ZFYVE9: variants seen among roughly 807,000 people sequenced by gnomAD.
ZFYVE9 encodes zinc finger FYVE-type containing 9, also known as zinc finger FYVE domain-containing protein 9.
ZFYVE9 carries 43 observed loss-of-function variants against 126.7 expected under a neutral mutation model. The ratio of observed to expected loss-of-function variants is 0.34; its 90% CI spans 0.27 to 0.44. The LOEUF is 0.44. ZFYVE9 is among the 20% of genes least tolerant of loss of function. The pLI is 1.00. For missense variants in ZFYVE9, 1,476 were observed against 1,697.0 expected, an observed-to-expected ratio of 0.87 and a Z score of 2.29; for synonymous variants, 521 against 597.4, an observed-to-expected ratio of 0.87 and a Z score of 1.87.
chr1:52,177,245 G>A (rs1361156887), intron 1 of ZFYVE9, among the ~76,000 whole-genome samples: 3 of 151,848 alleles, frequency 2.0e-5, no homozygotes, highest in Admixed American at 1.3e-4. Context: ...TGCCTCCCAG[G>A]TTCAAGCACT....
intron 1 of ZFYVE9, among the ~76,000 whole-genome samples, chr1:52,204,610 C>T (rs1214692654): frequency 6.6e-6 from 1 of 151,910 alleles, no homozygotes; most frequent in Non-Finnish European, 1.5e-5. Flanking sequence ...GCCTGTAATC[C>T]CAGCTACTCA....
At chr1:52,300,740 T>C (rs1167243185) in intron 12 of ZFYVE9, among the ~76,000 whole-genome samples, 3 of 151,662 alleles carry the variant, frequency 2.0e-5, no homozygotes, top group Non-Finnish European at 4.4e-5. Context: ...AGTGTAGGTT[T>C]GCTGCTGATG....
intron 8 of ZFYVE9, among the ~76,000 whole-genome samples, chr1:52,275,292 A>G (rs1176772413): frequency 6.6e-6 from 1 of 152,056 alleles, no homozygotes; most frequent in East Asian, 1.9e-4. Flanking sequence ...TCAGCCACTG[A>G]TGGGCAGTTA....
chr1:52,278,584 A>G lies in ZFYVE9; in HGVS notation c.2839A>G (p.Asn947Asp). 1.3e-6 allele frequency: 2 copies of G among 1,592,226 alleles called. No individual in the cohort carries two copies. Among genetic ancestry groups the G allele is most frequent in the Non-Finnish European group, 1.7e-6 (2 of 1,168,462 alleles). Residue 947 changes from asparagine to aspartate, a missense_variant, in exon 9 of 19, where the codon AAT (asparagine) becomes GAT (aspartate). Asn to Asp is a conservative substitution (Grantham distance 23). Around this residue, in one of 2 missense-constraint regions of ZFYVE9, gnomAD observed 669 missense variants for 902.4 expected, o/e 0.74. Coordinates refer to ENST00000287727, the MANE Select transcript of ZFYVE9 (RefSeq NM_004799.4). ...CCCACTTGTATTTGTTTTAAATGCA[A>G]ATTTGTTGTCAATGGTTAAAATTGT... ...PDPLVFVLNANLLSMVKIVNY... is the reference protein window; with the variant it reads ...PDPLVFVLNADLLSMVKIVNY...
rs187596186 is a variant in ZFYVE9 at position 52,187,852 on chromosome 1, T to G, written c.-142-28517T>G. Among the ~76,000 whole-genome samples, 21 of 152,338 alleles carry G rather than the reference T, an allele frequency of 1.4e-4. No individual in the cohort carries two copies. The East Asian group carries it at 3.3e-3, about 24-fold the overall frequency. On this transcript the variant is annotated intron_variant, in intron 1 of 18. Transcript: ENST00000287727. ...AAAGGGAATTCTTATACACTGTTGG[T>G]GGGAGTGTAAATTAGTTCAGCCATT... is the stretch of plus-strand genomic sequence containing the variant.
chr1:52,161,923 T>C (rs1644463569), intron 1 of ZFYVE9, among the ~76,000 whole-genome samples: 1 of 150,396 alleles, frequency 6.6e-6, no homozygotes, highest in Non-Finnish European at 1.5e-5. Context: ...GCTAGGAGTT[T>C]ATGTTAGTAA....
chr1:52,342,292 G>A (rs1485538004), intron 17 of ZFYVE9, among the ~76,000 whole-genome samples: 1 of 137,764 alleles, frequency 7.3e-6, no homozygotes, highest in African/African-American at 2.6e-5. Context: ...TTGAGACAGA[G>A]TCTCGCTCTG....
chr1:52,268,575 C>A lies in ZFYVE9; in HGVS notation c.2568C>A (p.Thr856=). ...TGAATGGAACTTCCTCTGCAGGAAC[C>A]CTGGCTGTGTCACACGACCCAGTCA... The part of the protein sequence containing the change: ...LTMNGTSSAG[T]LAVSHDPVKP... The change falls in exon 7 of 19, where the codon ACC becomes ACA. Residue 856 remains threonine, a synonymous_variant. Coordinates refer to ENST00000287727, the MANE Select transcript of ZFYVE9 (RefSeq NM_004799.4). 3.1e-6 allele frequency: 5 copies of A among 1,614,144 alleles called. No individual in the cohort carries two copies. The highest frequency in any genetic ancestry group is 1.1e-5 in the South Asian group (1 of 91,078).
intron 7 of ZFYVE9, among the ~76,000 whole-genome samples, 157 bp from the exon 8 acceptor site, chr1:52,274,307 G>GT (rs890037005): frequency 6.6e-5 from 10 of 151,600 alleles, no homozygotes; most frequent in Admixed American, 1.3e-4. Flanking sequence ...TTGTTTTTTT[G>GT]TTTTTTTTAA....
At chr1:52,277,432 T>C (rs1645758807) in intron 8 of ZFYVE9, among the ~76,000 whole-genome samples, 2 of 152,190 alleles carry the variant, frequency 1.3e-5, no homozygotes, top group African/African-American at 4.8e-5. Context: ...CAGTGAATTA[T>C]CTATATTACT....
intron 12 of ZFYVE9, among the ~76,000 whole-genome samples, chr1:52,303,309 T>C (rs763578618): frequency 1.3e-5 from 2 of 152,200 alleles, no homozygotes; most frequent in Admixed American, 6.5e-5. Context: ...TAAGAACCTA[T>C]GAAATCTAGC....
At chr1:52,323,284 C>T (rs1301232675) in intron 13 of ZFYVE9, among the ~76,000 whole-genome samples, 2 of 152,222 alleles carry the variant, frequency 1.3e-5, no homozygotes, top group Non-Finnish European at 2.9e-5. Context: ...AGTAAGACAT[C>T]CTCTGACTCT....
At chr1:52,201,874 C>G (rs1351782799) in intron 1 of ZFYVE9, among the ~76,000 whole-genome samples, 1 of 151,962 alleles carries the variant, frequency 6.6e-6, no homozygotes, top group Non-Finnish European at 1.5e-5. Flanking sequence ...ACCTCCGCCT[C>G]CCAGGTTCAA....
chr1:52,272,473 T>C (rs914419774), intron 7 of ZFYVE9, among the ~76,000 whole-genome samples: 4 of 152,230 alleles, frequency 2.6e-5, no homozygotes, highest in African/African-American at 9.6e-5. Flanking sequence ...AACAATAGTA[T>C]ATAATGTTTT....
At chr1:52,208,852 G>A (rs1350796669) in intron 1 of ZFYVE9, among the ~76,000 whole-genome samples, 2 of 152,184 alleles carry the variant, frequency 1.3e-5, no homozygotes, top group Non-Finnish European at 2.9e-5. Flanking sequence ...TCTTTAGTAT[G>A]TGTTGGCATT....
In ZFYVE9 at chr1:52,281,716, G is replaced by T. The variant is rs751143364; in HGVS notation, c.2925G>T (p.Gln975His). The part of the protein sequence containing the change: ...FTTKGMHAVG[Q>H]SEIVILLQCL... ...CCAAGGGAATGCATGCAGTGGGTCA[G>T]TCTGAGATAGTCATTCTTCTACAGT... Residue 975 changes from glutamine (Q) to histidine (H), a missense_variant, in exon 10 of 19, where the codon CAG becomes CAT. Coordinates refer to ENST00000287727, the MANE Select transcript of ZFYVE9 (RefSeq NM_004799.4). The T allele has an allele frequency of 6.2e-7, 1 of 1,614,086 alleles. No individual in the cohort carries two copies. Among genetic ancestry groups the T allele is most frequent in the Non-Finnish European group, 8.5e-7 (1 of 1,180,030 alleles).
At chr1:52,189,094 C>T (rs557883758) in intron 1 of ZFYVE9, among the ~76,000 whole-genome samples, 5 of 150,644 alleles carry the variant, frequency 3.3e-5, no homozygotes, top group Non-Finnish European at 7.4e-5. Context: ...CCTACCACCA[C>T]GCCTGGCTAA....
chr1:52,227,804 T>C (rs1645183546), intron 2 of ZFYVE9, among the ~76,000 whole-genome samples: 1 of 152,220 alleles, frequency 6.6e-6, no homozygotes, highest in Non-Finnish European at 1.5e-5. Context: ...CTTGGGACCA[T>C]GGAGGGGACT....
intron 15 of ZFYVE9, among the ~76,000 whole-genome samples, chr1:52,336,652 C>G (rs1457998541): frequency 1.5e-4 from 4 of 26,752 alleles, no homozygotes; most frequent in African/African-American, 2.3e-4. Flanking sequence ...AACCACCACA[C>G]CCAGCTTAAT....
Sources: gnomAD v4.1 joint callset for allele counts (sites outside exome capture counted in the v4.1 genomes callset) on GRCh38, gnomAD v4.1.1 for gene constraint, gnomAD v4.1.1 regional missense constraint, MANE v1.5 for transcripts, NCBI Gene and HGNC (gene_info 2026-07-23, HGNC 2026-07-21) for gene names.